Variants in TAF10 observed in about 807,000 individuals in gnomAD.
TAF10 encodes TATA-box binding protein associated factor 10, also known as transcription initiation factor TFIID subunit 10.
Under a neutral mutation model 18.1 loss-of-function variants are expected in TAF10, and 2 were observed. That is an observed-to-expected ratio of 0.11 (90% CI 0.05 to 0.35). The LOEUF is 0.35. TAF10 is among the 10% of genes least tolerant of loss of function. TAF10 has a pLI of 1.00. For missense variants in TAF10, 293 were observed against 306.9 expected (o/e 0.95, Z 0.34); for synonymous variants, 158 against 134.6 (o/e 1.17, Z -1.20).
In TAF10 at chr11:6,609,796, C is replaced by T. The variant is rs1283676954; in HGVS notation, c.*1126G>A. 1 of 1,614,220 alleles carries T rather than the reference C, an allele frequency of 6.2e-7. No homozygotes were observed. The highest frequency in any genetic ancestry group is 1.1e-5 in the South Asian group (1 of 91,092). ...GCAAGGGGCATGGCCTTCCTACACACACTAGAGCCCCTCATCCCACGACAT... is the reference window on the plus strand; with the variant it reads ...GCAAGGGGCATGGCCTTCCTACACATACTAGAGCCCCTCATCCCACGACAT... On this transcript the variant is annotated 3_prime_UTR_variant, in exon 5 of 5. Transcript: ENST00000299424.
In TAF10 at chr11:6,610,721, C is replaced by A; in HGVS notation, c.*201G>T. ...GCCTCCCCCGCCTCCAGTCATGGTACTACCCCAGCCATGGGGTCCATCCCC... is the reference window on the plus strand; with the variant it reads ...GCCTCCCCCGCCTCCAGTCATGGTAATACCCCAGCCATGGGGTCCATCCCC... On this transcript the variant is annotated 3_prime_UTR_variant, in exon 5 of 5. Transcript: ENST00000299424. The A allele has an allele frequency of 7.0e-7, 1 of 1,419,212 alleles. No individual in the cohort carries two copies. The highest frequency in any genetic ancestry group is 9.9e-7 in the Non-Finnish European group (1 of 1,013,926). 87.9% of individuals were successfully genotyped at this position (1,419,212 alleles called of 1,614,324 possible). A position where few individuals can be genotyped will look rare whatever the true frequency, so the allele number is the denominator to read the frequency against.
At position 6,608,731 on chromosome 11, in the gene TAF10, A is replaced by C; in HGVS notation, c.*2191T>G. On this transcript the variant is annotated 3_prime_UTR_variant, in exon 5 of 5. Transcript: ENST00000299424. The surrounding 1 kb of genome is among the most constrained non-coding windows in gnomAD (Gnocchi z 4.9). ...AATGGGGCCCTTGTCAGCATCTGTA[A>C]CAAGTATGGAGAGATGCCTGTGGAC... 6.2e-7 allele frequency: 1 copy of C among 1,614,148 alleles called. No individual in the cohort carries two copies.
rs1464000859 is a variant in TAF10 at position 6,610,303 on chromosome 11, G to C, written c.*619C>G. The C allele has an allele frequency of 1.9e-6, 3 of 1,613,948 alleles. No individual in the cohort carries two copies. Among genetic ancestry groups the C allele is most frequent in the Non-Finnish European group, 2.5e-6 (3 of 1,180,040 alleles). On this transcript the variant is annotated 3_prime_UTR_variant, in exon 5 of 5. Transcript: ENST00000299424. Reference sequence around the variant, plus strand: ...GGTGAGAGCACAACAGCATACATTTGTGTTGCGGGAGTGGTTGGTGATGGT... The same window carrying C: ...GGTGAGAGCACAACAGCATACATTTCTGTTGCGGGAGTGGTTGGTGATGGT...
Position 6,611,651 on chromosome 11 carries a change from G to T in TAF10, c.387+13C>A, listed in dbSNP as rs762710559. 1.3e-6 allele frequency: 2 copies of T among 1,577,818 alleles called. No homozygotes were observed. The highest frequency in any genetic ancestry group is 2.7e-5 in the African/African-American group (2 of 73,758). On this transcript the variant is annotated intron_variant, in intron 2 of 4. Coordinates refer to ENST00000299424, the MANE Select transcript of TAF10 (RefSeq NM_006284.4). ...ACAGCAGGCTAGGTGGCCTTGTTCG[G>T]GCGGAAGCCCACCGTAGGCGTGTAA...
At position 6,609,536 on chromosome 11, in the gene TAF10, C is replaced by A; in HGVS notation, c.*1386G>T. 1 of 1,614,132 alleles carries A rather than the reference C, an allele frequency of 6.2e-7. No homozygotes were observed. The highest frequency in any genetic ancestry group is 2.2e-5 in the East Asian group (1 of 44,878). On this transcript the variant is annotated 3_prime_UTR_variant, in exon 5 of 5. Transcript: ENST00000299424. The stretch of plus-strand genomic sequence containing the variant: ...GGATTTTCTCGCATCCAAATGTGCT[C>A]CCAGTGCTAGGTGCCTGCCAGTCTC...
In TAF10 at chr11:6,611,825, G is replaced by A. The variant is rs763371213; in HGVS notation, c.233-7C>T. The A allele has an allele frequency of 5.6e-6, 9 of 1,604,356 alleles. No homozygotes were observed. Among genetic ancestry groups the A allele is most frequent in the Middle Eastern group, 1.7e-4 (1 of 6,050 alleles). The stretch of plus-strand genomic sequence containing the variant: ...CCACCCGCCGACACCGGAGCTGGAG[G>A]AGAACCAGCAAAATGAGACACAGAG... On this transcript the variant is annotated splice_polypyrimidine_tract_variant and splice_region_variant and intron_variant, in intron 1 of 4. Transcript: ENST00000299424.
At position 6,610,723 on chromosome 11, in the gene TAF10, A is replaced by G. The variant is rs929676452; in HGVS notation, c.*199T>C. The G allele has an allele frequency of 3.5e-6, 5 of 1,414,586 alleles. No homozygotes were observed. The highest frequency in any genetic ancestry group is 3.9e-6 in the Non-Finnish European group (4 of 1,013,820). The allele number at this position is 1,414,586 out of a possible 1,614,324, so 87.6% of individuals were successfully genotyped here. ...CTCCCCCGCCTCCAGTCATGGTACT[A>G]CCCCAGCCATGGGGTCCATCCCCTT... On this transcript the variant is annotated 3_prime_UTR_variant, in exon 5 of 5. Transcript: ENST00000299424.
At position 6,611,646 on chromosome 11, in the gene TAF10, G is replaced by C. The variant is rs1198170386; in HGVS notation, c.387+18C>G. The C allele has an allele frequency of 6.3e-7, 1 of 1,576,744 alleles. No individual in the cohort carries two copies. Among genetic ancestry groups the C allele is most frequent in the Non-Finnish European group, 8.6e-7 (1 of 1,159,226 alleles). On this transcript the variant is annotated intron_variant, in intron 2 of 4. Transcript: ENST00000299424. Reference sequence around the variant, plus strand: ...TTTTGACAGCAGGCTAGGTGGCCTTGTTCGGGCGGAAGCCCACCGTAGGCG... The same window carrying C: ...TTTTGACAGCAGGCTAGGTGGCCTTCTTCGGGCGGAAGCCCACCGTAGGCG...
chr11:6,609,715 T>G lies in TAF10; in HGVS notation c.*1207A>C. On this transcript the variant is annotated 3_prime_UTR_variant, in exon 5 of 5. Coordinates refer to ENST00000299424, the MANE Select transcript of TAF10 (RefSeq NM_006284.4). ...CTCTCTGAACTATTTGACTTTTGCC[T>G]CCTCTCAGATTTCGTCGTGGACCAG... 3 of 1,614,164 alleles carry G rather than the reference T, an allele frequency of 1.9e-6. No homozygotes were observed. Among genetic ancestry groups the G allele is most frequent in the Non-Finnish European group, 2.5e-6 (3 of 1,180,014 alleles).
rs147368550 is a variant in TAF10, at chr11:6,609,349, G to T, written c.*1573C>A. ...ATGACATTGTCGTGAAGGTGCTGAA[G>T]GTTCGAGACTGGAGTACAAGGAAGA... On this transcript the variant is annotated 3_prime_UTR_variant, in exon 5 of 5. Transcript: ENST00000299424. 108 of 1,614,014 alleles carry T rather than the reference G, an allele frequency of 6.7e-5. No individual in the cohort carries two copies. In the African/African-American group the frequency reaches 1.0e-3, roughly 15 times the overall value.
Position 6,609,893 on chromosome 11 carries a change from C to T in TAF10, c.*1029G>A. 1.9e-6 allele frequency: 3 copies of T among 1,614,210 alleles called. No individual in the cohort carries two copies. Among genetic ancestry groups the T allele is most frequent in the Non-Finnish European group, 2.5e-6 (3 of 1,180,050 alleles). On this transcript the variant is annotated 3_prime_UTR_variant, in exon 5 of 5. Coordinates refer to ENST00000299424, the MANE Select transcript of TAF10 (RefSeq NM_006284.4). ...GGCCCAGGCCCCAAAAGCCCTTTGC[C>T]TATCTATGACTTACCTCCTTCTATC...
Position 6,607,925 on chromosome 11 carries a change from G to C in TAF10, c.*2997C>G. On this transcript the variant is annotated 3_prime_UTR_variant, in exon 5 of 5. Transcript: ENST00000299424. ...AGCTTTGGGAGTTGCTGGCATGAAT[G>C]AGAATCAAAGTCCTAGAGAGGTAAG... The C allele has an allele frequency of 9.7e-7, 1 of 1,033,102 alleles. No individual in the cohort carries two copies. Among genetic ancestry groups the C allele is most frequent in the Non-Finnish European group, 1.5e-6 (1 of 687,424 alleles). The allele number at this position is 1,033,102 out of a possible 1,614,324, so 64.0% of individuals were successfully genotyped here.
chr11:6,610,129 A>T lies in TAF10; in HGVS notation c.*793T>A. 1 of 1,614,218 alleles carries T rather than the reference A, an allele frequency of 6.2e-7. No individual in the cohort carries two copies. Among genetic ancestry groups the T allele is most frequent in the Non-Finnish European group, 8.5e-7 (1 of 1,180,034 alleles). On this transcript the variant is annotated 3_prime_UTR_variant, in exon 5 of 5. Transcript: ENST00000299424. ...AGGACAGGCAAGGGGGCCAGAACAG[A>T]CAAGCCCTATCTCTCCAGCTCTGCA...
At chr11:6,611,101 C>G in intron 4 of TAF10, 88 bp downstream of exon 4, 3 of 1,588,938 alleles carry the variant, frequency 1.9e-6, no homozygotes, top group Non-Finnish European at 2.6e-6. Flanking sequence ...TACACCTCCC[C>G]TACGATTCAG....
At position 6,608,261 on chromosome 11, in the gene TAF10, C is replaced by T; in HGVS notation, c.*2661G>A. On this transcript the variant is annotated 3_prime_UTR_variant, in exon 5 of 5. Coordinates refer to ENST00000299424, the MANE Select transcript of TAF10 (RefSeq NM_006284.4). This position sits in a 1 kb window ranked among gnomAD's most constrained non-coding sequence, Gnocchi z 4.9. ...CACATCACATACATGCCATGAGGGT[C>T]AGTCACAGGCACTGTAACATACAGT... 6.3e-7 allele frequency: 1 copy of T among 1,597,840 alleles called. No homozygotes were observed. The highest frequency in any genetic ancestry group is 8.6e-7 in the Non-Finnish European group (1 of 1,165,134).
chr11:6,608,367 T>A lies in TAF10; in HGVS notation c.*2555A>T. On this transcript the variant is annotated 3_prime_UTR_variant, in exon 5 of 5. Transcript: ENST00000299424. The surrounding 1 kb of genome is among the most constrained non-coding windows in gnomAD (Gnocchi z 4.9). Reference sequence around the variant, plus strand: ...TGGAACTGACTGTACTTTCTGCCTCTTCTTTTTGTCTGGCCATGGGGTCCA... The same window carrying A: ...TGGAACTGACTGTACTTTCTGCCTCATCTTTTTGTCTGGCCATGGGGTCCA... 1 of 1,608,790 alleles carries A rather than the reference T, an allele frequency of 6.2e-7. No individual in the cohort carries two copies. Among genetic ancestry groups the A allele is most frequent in the South Asian group, 1.1e-5 (1 of 90,946 alleles).
In TAF10 at chr11:6,610,731, C is replaced by T. The variant is rs1855420484; in HGVS notation, c.*191G>A. Reference sequence around the variant, plus strand: ...CCTCCAGTCATGGTACTACCCCAGCCATGGGGTCCATCCCCTTCCCCCATC... The same window carrying T: ...CCTCCAGTCATGGTACTACCCCAGCTATGGGGTCCATCCCCTTCCCCCATC... On this transcript the variant is annotated 3_prime_UTR_variant, in exon 5 of 5. Transcript: ENST00000299424. 6 of 1,359,484 alleles carry T rather than the reference C, an allele frequency of 4.4e-6. No homozygotes were observed. Among genetic ancestry groups the T allele is most frequent in the Non-Finnish European group, 6.2e-6 (6 of 960,978 alleles). 84.2% of individuals were successfully genotyped at this position (1,359,484 alleles called of 1,614,324 possible).
At position 6,610,436 on chromosome 11, in the gene TAF10, G is replaced by C. The variant is rs780978111; in HGVS notation, c.*486C>G. The stretch of plus-strand genomic sequence containing the variant: ...TCTACATGACAGACTCAAATTGTGA[G>C]GCTGCTTTTTTTCTTGTATTCGCAG... On this transcript the variant is annotated 3_prime_UTR_variant, in exon 5 of 5. Transcript: ENST00000299424. 3 of 1,614,180 alleles carry C rather than the reference G, an allele frequency of 1.9e-6. No homozygotes were observed. Among genetic ancestry groups the C allele is most frequent in the Non-Finnish European group, 2.5e-6 (3 of 1,180,028 alleles).
rs754252138 is a variant in TAF10, at chr11:6,609,621, G to A, written c.*1301C>T. ...GATGCCGTATGGATCCCTCTACAAT[G>A]TACTACATGAAGGCACCAGTGAGTA... On this transcript the variant is annotated 3_prime_UTR_variant, in exon 5 of 5. Coordinates refer to ENST00000299424, the MANE Select transcript of TAF10 (RefSeq NM_006284.4). 1.9e-6 allele frequency: 3 copies of A among 1,614,184 alleles called. No individual in the cohort carries two copies. Among genetic ancestry groups the A allele is most frequent in the Admixed American group, 3.3e-5 (2 of 60,030 alleles).
Sources: gnomAD v4.1 joint callset for allele counts on GRCh38, gnomAD v4.1.1 for gene constraint, Gnocchi (gnomAD v3.1) non-coding constraint, MANE v1.5 for transcripts, NCBI Gene and HGNC (gene_info 2026-07-23, HGNC 2026-07-21) for gene names.